Variants in BAZ1A observed in about 807,000 individuals in gnomAD.
BAZ1A encodes the protein bromodomain adjacent to zinc finger domain 1A, also known as bromodomain adjacent to zinc finger domain protein 1A.
Under a neutral mutation model 185.2 loss-of-function variants are expected in BAZ1A, and 50 were observed. The ratio of observed to expected loss-of-function variants is 0.27; its 90% confidence interval spans 0.22 to 0.34. BAZ1A has a LOEUF of 0.34. BAZ1A is among the 10% of genes least tolerant of loss of function. The pLI is 1.00. For missense variants in BAZ1A, 1,356 were observed against 1,839.9 expected (o/e 0.74, Z 4.81); for synonymous variants, 571 against 615.6 (o/e 0.93, Z 1.07).
chr14:34,821,497 C>T (rs1314336363), intron 4 of BAZ1A, among the ~76,000 whole-genome samples: 1 of 152,096 alleles, frequency 6.6e-6, no homozygotes, highest in African/African-American at 2.4e-5. Flanking sequence ...CAATTTATTA[C>T]TCAAATTAGA....
At chr14:34,843,427 C>G (rs1036280882) in intron 3 of BAZ1A, among the ~76,000 whole-genome samples, 1 of 152,112 alleles carries the variant, frequency 6.6e-6, no homozygotes, top group Non-Finnish European at 1.5e-5. Context: ...CAAGTTAGGG[C>G]TAGTCGCCTG....
intron 3 of BAZ1A, among the ~76,000 whole-genome samples, chr14:34,840,735 C>A (rs1327208506): frequency 6.6e-6 from 1 of 151,434 alleles, no homozygotes; most frequent in African/African-American, 2.4e-5. Context: ...CCAGCCTGGG[C>A]GACAGAGTGA....
chr14:34,844,593 G>A (rs1030672489), intron 3 of BAZ1A, among the ~76,000 whole-genome samples: 1 of 151,072 alleles, frequency 6.6e-6, no homozygotes, highest in Non-Finnish European at 1.5e-5. Flanking sequence ...CCTGGGCAAC[G>A]CAGGGAGACC....
At chr14:34,804,488 G>A (rs1280882322) in intron 6 of BAZ1A, among the ~76,000 whole-genome samples, 1 of 152,176 alleles carries the variant, frequency 6.6e-6, no homozygotes, top group Non-Finnish European at 1.5e-5. Context: ...AAACAGAAAA[G>A]GGTATTTTGT....
intron 2 of BAZ1A, among the ~76,000 whole-genome samples, chr14:34,872,926 A>AC (rs2042972685): frequency 7.4e-6 from 1 of 135,142 alleles, no homozygotes; most frequent in Non-Finnish European, 1.7e-5. Flanking sequence ...AAAAAAAAAA[A>AC]AAAAAAAAAA....
intron 2 of BAZ1A, among the ~76,000 whole-genome samples, chr14:34,863,233 C>T (rs1425259542): frequency 4.4e-5 from 6 of 137,104 alleles, no homozygotes; most frequent in Non-Finnish European, 6.1e-5. Context: ...GGCGCGATCT[C>T]GGCTCACCAC....
intron 3 of BAZ1A, among the ~76,000 whole-genome samples, chr14:34,844,200 C>T (rs1460413735): frequency 1.8e-5 from 2 of 111,780 alleles, no homozygotes; most frequent in African/African-American, 3.8e-5. Context: ...AGCGAGACTC[C>T]GTCTCAAAAA....
intron 4 of BAZ1A, among the ~76,000 whole-genome samples, chr14:34,824,841 A>C (rs2042142695): frequency 6.6e-6 from 1 of 152,222 alleles, no homozygotes; most frequent in Admixed American, 6.5e-5. Flanking sequence ...GAAACCAAGA[A>C]AGACACAAGA....
intron 12 of BAZ1A, chr14:34,786,605 G>GTTTTTTTTTTTT (rs1205690538): frequency 8.4e-6 from 1 of 119,186 alleles, no homozygotes; most frequent in African/African-American, 3.2e-5. Context: ...TTTTATGTGT[G>GTTTTTTTTTTTT]TTTTTTTTTT....
intron 17 of BAZ1A, 80 bp from the exon 18 acceptor site, chr14:34,776,595 A>G: frequency 8.2e-7 from 1 of 1,217,950 alleles, no homozygotes; most frequent in Non-Finnish European, 1.1e-6. Flanking sequence ...AGTTACCCCA[A>G]GTTATTAGGT....
chr14:34,755,855 C>G (rs1886217268), intron 25 of BAZ1A, among the ~76,000 whole-genome samples: 1 of 148,314 alleles, frequency 6.7e-6, no homozygotes, highest in Non-Finnish European at 1.5e-5. Flanking sequence ...GGGTCTTGCT[C>G]TGTCACCCAG....
intron 21 of BAZ1A, among the ~76,000 whole-genome samples, chr14:34,770,401 C>G (rs1185041729): frequency 6.6e-6 from 1 of 152,240 alleles, no homozygotes; most frequent in Non-Finnish European, 1.5e-5. Flanking sequence ...GATCCAACCG[C>G]CTCGGCCTCC....
intron 4 of BAZ1A, among the ~76,000 whole-genome samples, chr14:34,819,911 C>T (rs2042061064): frequency 6.6e-6 from 1 of 152,202 alleles, no homozygotes; most frequent in South Asian, 2.1e-4. Context: ...GTTCCTGTTG[C>T]TCCACATGCT....
intron 11 of BAZ1A, 31 bp from the exon 12 acceptor site, chr14:34,792,952 A>C (rs746144132): frequency 6.3e-7 from 1 of 1,587,354 alleles, no homozygotes; most frequent in Non-Finnish European, 8.6e-7. Context: ...ATGAATTTAA[A>C]GTTCTGTTCA....
intron 12 of BAZ1A, 113 bp downstream of exon 12, chr14:34,792,662 G>T: frequency 8.0e-7 from 1 of 1,250,842 alleles, no homozygotes; most frequent in Non-Finnish European, 1.1e-6. Flanking sequence ...CAGGTAACCT[G>T]AACAACTATA....
intron 3 of BAZ1A, among the ~76,000 whole-genome samples, chr14:34,853,013 C>T (rs752177754): frequency 6.6e-6 from 1 of 151,728 alleles, no homozygotes; most frequent in Non-Finnish European, 1.5e-5. Flanking sequence ...ACAGTGCAAG[C>T]GTACAGATGA....
At chr14:34,868,775 T>A (rs2042902382) in intron 2 of BAZ1A, among the ~76,000 whole-genome samples, 1 of 151,552 alleles carries the variant, frequency 6.6e-6, no homozygotes, top group Non-Finnish European at 1.5e-5. Context: ...CACTCCAGCC[T>A]GGGCGACACA....
chr14:34,768,047 ATTTTTCTGTTGTTTCCTTATCT>A lies in BAZ1A; in HGVS notation c.3302-2801_3302-2780del, dbSNP rs1309473594. 2.0e-5 allele frequency among the ~76,000 whole-genome samples: 3 copies of A among 152,096 alleles called. No individual in the cohort carries two copies. The East Asian group carries it at 5.8e-4, about 29-fold the overall frequency. ...GAAAACAGTATATACAATTGATTCC[ATTTTTCTGTTGTTTCCTTATCT>A]TAAACCTTGCTTTCCCCCCAGATTA... is the stretch of plus-strand genomic sequence containing the variant. On this transcript the variant is annotated intron_variant, in intron 21 of 26. Transcript: ENST00000360310.
rs1283484526 is a variant in BAZ1A at position 34,774,443 on chromosome 14, A to G, written c.2881T>C (p.Ser961Pro). 6.2e-7 allele frequency: 1 copy of G among 1,611,606 alleles called. No homozygotes were observed. Among genetic ancestry groups the G allele is most frequent in the Admixed American group, 1.7e-5 (1 of 59,594 alleles). ...ATCTGAGATGGATCATATGCATTGG[A>G]AGATCTTCCCCGACTATATGTTGGT... Reference protein sequence around the residue: ...SKPTYSRGRSSNAYDPSQMCA... With the variant: ...SKPTYSRGRSPNAYDPSQMCA... The change falls in exon 19 of 27, where the codon TCC becomes CCC. Residue 961 changes from serine (S) to proline (P), a missense_variant. By Grantham distance (74) the Ser-to-Pro change is moderately conservative (BLOSUM62 -1). This residue lies in a region of BAZ1A where 434 missense variants were observed against 561.7 expected (regional missense o/e 0.77). Coordinates refer to ENST00000360310, the MANE Select transcript of BAZ1A (RefSeq NM_013448.3).
Sources: allele counts gnomAD v4.1 joint callset (sites outside exome capture counted in the v4.1 genomes callset), GRCh38; gene constraint gnomAD v4.1.1; regional missense constraint gnomAD v4.1.1; transcripts MANE v1.5; gene names NCBI Gene and HGNC (gene_info 2026-07-23, HGNC 2026-07-21).